Variants in GABRA5 observed in about 807,000 individuals in gnomAD.
GABRA5 encodes gamma-aminobutyric acid type A receptor subunit alpha5, also known as gamma-aminobutyric acid receptor subunit alpha-5.
A neutral mutation model predicts 47.3 loss-of-function variants in GABRA5; 18 were observed. The observed-to-expected ratio is 0.38, with a 90% CI of 0.26 to 0.56. The LOEUF is 0.56. Among genes scored for constraint, GABRA5 ranks in the 20% least tolerant of loss-of-function variants. GABRA5 has a pLI of 0.71. For synonymous variants in GABRA5, 237 were observed against 229.3 expected, an observed-to-expected ratio of 1.03 and a Z score of -0.30; for missense variants, 365 against 599.3, an observed-to-expected ratio of 0.61 and a Z score of 4.08.
chr15:26,903,595 C>T (rs1248803479), intron 6 of GABRA5, among the ~76,000 whole-genome samples: 1 of 152,188 alleles, frequency 6.6e-6, no homozygotes, highest in Non-Finnish European at 1.5e-5. Flanking sequence ...ATTCCCCTTT[C>T]TCCACAACCT....
At chr15:26,929,329 A>G (rs898433269) in intron 7 of GABRA5, among the ~76,000 whole-genome samples, 1 of 152,222 alleles carries the variant, frequency 6.6e-6, no homozygotes, top group Non-Finnish European at 1.5e-5. Context: ...AGAGGTGCAG[A>G]GAAAGTCCAG....
At chr15:26,934,639 T>C (rs1328077354) in intron 7 of GABRA5, among the ~76,000 whole-genome samples, 1 of 106,626 alleles carries the variant, frequency 9.4e-6, no homozygotes, top group East Asian at 3.0e-4. Context: ...TTGTCATCAG[T>C]GTATTAGGAG....
chr15:26,905,948 A>G (rs1433875380), intron 6 of GABRA5, among the ~76,000 whole-genome samples: 2 of 151,908 alleles, frequency 1.3e-5, no homozygotes, highest in East Asian at 3.9e-4. Flanking sequence ...TTGATTTAAC[A>G]TGTTTTCTAG....
At chr15:26,881,077 C>A in intron 4 of GABRA5, 110 bp downstream of exon 4, 1 of 1,275,806 alleles carries the variant, frequency 7.8e-7, no homozygotes, top group Non-Finnish European at 1.1e-6. Flanking sequence ...AGCTTCCCTG[C>A]CAGGATTTTG....
intron 6 of GABRA5, among the ~76,000 whole-genome samples, chr15:26,893,743 G>A (rs916112993): frequency 8.6e-5 from 13 of 152,004 alleles, no homozygotes; most frequent in South Asian, 8.3e-4. Flanking sequence ...TGGGGGTGAG[G>A]GGAGCAGGGC....
chr15:26,916,478 C>T (rs1893719545), intron 7 of GABRA5, among the ~76,000 whole-genome samples: 1 of 152,096 alleles, frequency 6.6e-6, no homozygotes, highest in South Asian at 2.1e-4. Context: ...ATTGCTGTGG[C>T]TTTGTAACAT....
At chr15:26,892,769 T>C (rs898182441) in intron 6 of GABRA5, among the ~76,000 whole-genome samples, 1 of 152,180 alleles carries the variant, frequency 6.6e-6, no homozygotes, top group African/African-American at 2.4e-5. Context: ...AAGAGGATCG[T>C]GGGATGGAAT....
intron 8 of GABRA5, 78 bp from the exon 9 acceptor site, chr15:26,939,847 G>A: frequency 6.8e-7 from 1 of 1,470,436 alleles, no homozygotes; most frequent in Non-Finnish European, 9.4e-7. Flanking sequence ...GAGTGGAAGG[G>A]AGGCTCCTGG....
intron 7 of GABRA5, among the ~76,000 whole-genome samples, chr15:26,930,657 CTT>C (rs1894079228): frequency 6.6e-6 from 1 of 152,090 alleles, no homozygotes; most frequent in South Asian, 2.1e-4. Context: ...AAAATGGAGA[CTT>C]TCTCTACAAC....
intron 10 of GABRA5, among the ~76,000 whole-genome samples, chr15:26,946,021 T>C (rs1027908419): frequency 6.6e-6 from 1 of 152,170 alleles, no homozygotes; most frequent in Non-Finnish European, 1.5e-5. Flanking sequence ...AAAACTGCCA[T>C]CGCATTTCCG....
At chr15:26,938,739 C>T (rs1367780914) in intron 8 of GABRA5, among the ~76,000 whole-genome samples, 1 of 152,246 alleles carries the variant, frequency 6.6e-6, no homozygotes, top group Non-Finnish European at 1.5e-5. Flanking sequence ...CACCTTTGCA[C>T]TGCGGGCCTG....
chr15:26,883,210 G>A lies in GABRA5; in HGVS notation c.253G>A (p.Gly85Ser). 6.2e-7 allele frequency: 1 copy of A among 1,613,870 alleles called. No individual in the cohort carries two copies. The highest frequency in any genetic ancestry group is 8.5e-7 in the Non-Finnish European group (1 of 1,179,832). Reference protein sequence around the residue: ...VRTDIYVTSFGPVSDTEMEYT... With the variant: ...VRTDIYVTSFSPVSDTEMEYT... The stretch of plus-strand genomic sequence containing the variant: ...GACCGACATCTACGTCACCAGCTTC[G>A]GCCCGGTGTCCGACACGGAAATGGT... Residue 85 changes from glycine to serine, a missense_variant, in exon 5 of 11, where the codon GGC becomes AGC. Coordinates refer to ENST00000335625, the MANE Select transcript of GABRA5 (RefSeq NM_000810.4). The surrounding 1 kb of genome is among the most constrained non-coding windows in gnomAD (Gnocchi z 4.8).
At chr15:26,889,500 A>G (rs28750323) in intron 6 of GABRA5, among the ~76,000 whole-genome samples, 102,813 of 151,676 alleles carry the variant, frequency 0.68, 36,068 homozygotes, top group African/African-American at 0.87. Flanking sequence ...CGGCCACTTG[A>G]GGGCAGCATT....
intron 8 of GABRA5, chr15:26,939,347 G>A (rs904981240): frequency 2.6e-6 from 2 of 765,272 alleles, no homozygotes; most frequent in Non-Finnish European, 4.8e-6. Flanking sequence ...CCAATGAAAT[G>A]CCCCCGATTT....
intron 6 of GABRA5, among the ~76,000 whole-genome samples, chr15:26,898,801 C>T (rs1353732613): frequency 4.1e-5 from 6 of 147,976 alleles, no homozygotes; most frequent in African/African-American, 1.0e-4. Context: ...AATCGTTTTT[C>T]GTTTTTAATG....
At chr15:26,897,998 A>T (rs543424641) in intron 6 of GABRA5, among the ~76,000 whole-genome samples, 1 of 152,258 alleles carries the variant, frequency 6.6e-6, no homozygotes. Flanking sequence ...ACATTTCCTC[A>T]TTCACAGAAA....
chr15:26,938,138 C>A (rs1326956240), intron 8 of GABRA5, among the ~76,000 whole-genome samples: 1 of 152,222 alleles, frequency 6.6e-6, no homozygotes, highest in Non-Finnish European at 1.5e-5. Context: ...TGCAGCTGGC[C>A]GAGCACACAG....
At chr15:26,895,812 CAAA>C (rs376170037) in intron 6 of GABRA5, among the ~76,000 whole-genome samples, 32 of 123,236 alleles carry the variant, frequency 2.6e-4, no homozygotes, top group Admixed American at 3.2e-4. Flanking sequence ...AAGACTCCGT[CAAA>C]AAAAAAAAAA....
rs187015005 is a variant in GABRA5 at position 26,885,809 on chromosome 15, G to A, written c.497+2252G>A. On this transcript the variant is annotated intron_variant, in intron 6 of 10. Coordinates refer to ENST00000335625, the MANE Select transcript of GABRA5 (RefSeq NM_000810.4). ...CAGGTGTGGAGACAGAGGCCGAGGT[G>A]TTGGAGGATGTCTAGGGGTTCACGT... 1.6e-4 allele frequency among the ~76,000 whole-genome samples: 24 copies of A among 152,290 alleles called. No individual in the cohort carries two copies. The East Asian group carries it at 4.4e-3, about 28-fold the overall frequency.
Sources: gnomAD v4.1 joint callset for allele counts (sites outside exome capture counted in the v4.1 genomes callset) on GRCh38, gnomAD v4.1.1 for gene constraint, Gnocchi (gnomAD v3.1) non-coding constraint, MANE v1.5 for transcripts, NCBI Gene and HGNC (gene_info 2026-07-23, HGNC 2026-07-21) for gene names.